Variants in DNAH7 observed in about 807,000 individuals in gnomAD.
The protein encoded by DNAH7 is axonemal beta dynein heavy chain 7.
A neutral mutation model predicts 444.6 loss-of-function variants in DNAH7; 397 were observed. The observed-to-expected ratio is 0.89, with a 90% confidence interval of 0.82 to 0.97. The LOEUF is 0.97. Among genes scored for constraint, DNAH7 ranks in the 50% least tolerant of loss-of-function variants. The probability of loss-of-function intolerance (pLI) is 0.00; values close to 1 mark genes in which losing one functional copy is unlikely to be tolerated. For missense variants in DNAH7, 4,902 were observed against 4,800.8 expected (o/e 1.02, Z -0.62); for synonymous variants, 1,636 against 1,624.4 (o/e 1.01, Z -0.17).
intron 42 of DNAH7, 50 bp downstream of exon 42, chr2:195,861,667 G>T: frequency 7.6e-7 from 1 of 1,312,272 alleles, no homozygotes; most frequent in Non-Finnish European, 1.1e-6. Flanking sequence ...GCACACACAA[G>T]TATTTTTAAT....
At chr2:196,031,889 T>C (rs889332681) in intron 5 of DNAH7, among the ~76,000 whole-genome samples, 1 of 152,184 alleles carries the variant, frequency 6.6e-6, no homozygotes, top group African/African-American at 2.4e-5. Context: ...TTCCAAACTG[T>C]TCCAACCTCT....
chr2:196,038,038 T>C (rs1696503147), intron 5 of DNAH7, among the ~76,000 whole-genome samples: 1 of 151,594 alleles, frequency 6.6e-6, no homozygotes, highest in African/African-American at 2.4e-5. Context: ...TATAAGGGAA[T>C]AGCCAACCGA....
At chr2:195,938,442 A>C (rs1402700448) in intron 19 of DNAH7, among the ~76,000 whole-genome samples, 1 of 151,844 alleles carries the variant, frequency 6.6e-6, no homozygotes, top group Non-Finnish European at 1.5e-5. Context: ...ATATCAAAAT[A>C]ATGTTCTTAG....
intron 1 of DNAH7, chr2:196,068,315 CAA>C (rs1698540612): frequency 1.0e-5 from 3 of 296,170 alleles, no homozygotes; most frequent in Non-Finnish European, 1.9e-5. Flanking sequence ...GAGATTTGTC[CAA>C]AGTCACATGG....
chr2:195,795,577 A>G (rs1360153738), intron 56 of DNAH7, among the ~76,000 whole-genome samples: 1 of 152,258 alleles, frequency 6.6e-6, no homozygotes, highest in Non-Finnish European at 1.5e-5. Flanking sequence ...GGAAGTCATG[A>G]TGAAAGTGGC....
intron 28 of DNAH7, among the ~76,000 whole-genome samples, chr2:195,899,372 T>C (rs1686549763): frequency 1.3e-5 from 2 of 152,340 alleles, no homozygotes; most frequent in South Asian, 2.1e-4. Context: ...CTCAATTCCA[T>C]AGTCAAGATT....
At chr2:195,760,842 T>C (rs546372742) in intron 61 of DNAH7, among the ~76,000 whole-genome samples, 7 of 152,254 alleles carry the variant, frequency 4.6e-5, no homozygotes, top group African/African-American at 1.7e-4. Context: ...AAGCCCAGAC[T>C]GCAAAGACTA....
intron 51 of DNAH7, among the ~76,000 whole-genome samples, chr2:195,812,061 G>A (rs374772547): frequency 1.3e-4 from 20 of 152,152 alleles, no homozygotes; most frequent in African/African-American, 4.8e-4. Flanking sequence ...TTGCATTTCT[G>A]ACTATTGGAT....
At position 195,858,808 on chromosome 2, in the gene DNAH7, G is replaced by A. The variant is rs1259831399; in HGVS notation, c.7737-4C>T. Reference sequence around the variant, plus strand: ...CTTTTTCATTTTCATTACTTCACTGGAAGGAAATAGATAAAACAAAGTTAA... The same window carrying A: ...CTTTTTCATTTTCATTACTTCACTGAAAGGAAATAGATAAAACAAAGTTAA... On this transcript the variant is annotated splice_polypyrimidine_tract_variant and splice_region_variant and intron_variant, in intron 42 of 64. Coordinates refer to ENST00000312428, the MANE Select transcript of DNAH7 (RefSeq NM_018897.3). 1.0e-5 allele frequency: 16 copies of A among 1,597,114 alleles called. No individual in the cohort carries two copies. The highest frequency in any genetic ancestry group is 1.1e-5 in the South Asian group (1 of 88,204).
chr2:195,898,881 T>C (rs1165061584), intron 28 of DNAH7, among the ~76,000 whole-genome samples: 11 of 152,242 alleles, frequency 7.2e-5, no homozygotes, highest in Non-Finnish European at 1.6e-4. Flanking sequence ...TTCACATGAA[T>C]TTACAAAAAT....
chr2:195,864,821 C>T lies in DNAH7; in HGVS notation c.6834G>A (p.Arg2278=), dbSNP rs1700228993. The T allele has an allele frequency of 6.2e-7, 1 of 1,614,022 alleles. No individual in the cohort carries two copies. The highest frequency in any genetic ancestry group is 2.2e-5 in the East Asian group (1 of 44,890). The change falls in exon 41 of 65, where the codon AGG becomes AGA. Residue 2278 remains arginine, a synonymous_variant. Transcript: ENST00000312428. The part of the protein sequence containing the change: ...LMFCDFHDPK[R]EDTNYREIAD... The stretch of plus-strand genomic sequence containing the variant: ...CGATTTCTCTGTAGTTGGTATCCTC[C>T]CTCTTGGGATCATGGAAATCACAAA...
At chr2:195,775,755 T>G (rs1695031475) in intron 60 of DNAH7, 91 bp downstream of exon 60, 3 of 1,354,454 alleles carry the variant, frequency 2.2e-6, no homozygotes, top group Non-Finnish European at 2.9e-6. Context: ...TTGAACAGAA[T>G]TGTGTAAGGA....
At chr2:195,935,088 G>A (rs1293923231) in intron 20 of DNAH7, among the ~76,000 whole-genome samples, 3 of 152,194 alleles carry the variant, frequency 2.0e-5, no homozygotes, top group Non-Finnish European at 2.9e-5. Context: ...ATTAAAAGAT[G>A]CTAAAGGTAA....
intron 5 of DNAH7, among the ~76,000 whole-genome samples, chr2:196,036,053 CAG>C (rs1696366884): frequency 1.4e-5 from 2 of 141,960 alleles, no homozygotes; most frequent in East Asian, 2.1e-4. Context: ...TTTTTCCAGG[CAG>C]AGTTTCACTC....
chr2:195,987,892 C>A, intron 13 of DNAH7, 65 bp downstream of exon 13: 5 of 1,417,908 alleles, frequency 3.5e-6, no homozygotes, highest in Non-Finnish European at 4.8e-6. Context: ...AAAAATACAT[C>A]CTAATAAAAC....
At chr2:195,948,244 C>A (rs141330107) in intron 19 of DNAH7, among the ~76,000 whole-genome samples, 1 of 152,100 alleles carries the variant, frequency 6.6e-6, no homozygotes, top group South Asian at 2.1e-4. Context: ...TGTAGACTGC[C>A]TGTTTACTCT....
chr2:195,943,219 T>G (rs183232710), intron 19 of DNAH7, among the ~76,000 whole-genome samples: 10 of 152,292 alleles, frequency 6.6e-5, no homozygotes, highest in Admixed American at 6.5e-4. Flanking sequence ...GGCATGTCTT[T>G]ATTAGCAGCA....
At chr2:196,025,226 T>G (rs1293973338) in intron 7 of DNAH7, among the ~76,000 whole-genome samples, 1 of 152,144 alleles carries the variant, frequency 6.6e-6, no homozygotes, top group East Asian at 1.9e-4. Flanking sequence ...CTTGTTCTCT[T>G]TTAAGTTGCA....
intron 15 of DNAH7, among the ~76,000 whole-genome samples, chr2:195,974,146 T>C (rs1207168833): frequency 1.3e-5 from 2 of 152,056 alleles, no homozygotes; most frequent in East Asian, 3.9e-4. Context: ...CCTAACAATG[T>C]TTTTGAAGGA....
Sources: allele counts gnomAD v4.1 joint callset (sites outside exome capture counted in the v4.1 genomes callset), GRCh38; gene constraint gnomAD v4.1.1; transcripts MANE v1.5; gene names NCBI Gene and HGNC (gene_info 2026-07-23, HGNC 2026-07-21).